TUSC3: variants seen among roughly 807,000 people sequenced by gnomAD.
TUSC3 encodes dolichyl-diphosphooligosaccharide--protein glycosyltransferase subunit TUSC3.
In TUSC3, 45 loss-of-function variants were observed where a neutral mutation model predicts 44.8. The observed-to-expected ratio is 1.00, with a 90% CI of 0.79 to 1.29. The LOEUF (loss-of-function observed/expected upper bound fraction) is 1.29. Among genes scored for constraint, TUSC3 ranks in the 50% most tolerant of loss-of-function variants. TUSC3 has a pLI of 0.00. For missense variants in TUSC3, 519 were observed against 437.9 expected (o/e 1.19, Z -1.65); for synonymous variants, 212 against 152.9 (o/e 1.39, Z -2.85).
intron 1 of TUSC3, among the ~76,000 whole-genome samples, chr8:15,578,034 C>G (rs1803183808): frequency 6.7e-6 from 1 of 150,268 alleles, no homozygotes; most frequent in Admixed American, 6.7e-5. Flanking sequence ...CTTCACATCC[C>G]TTGTAAGTTG....
the TUSC3 span, among the ~76,000 whole-genome samples, chr8:15,794,293 C>T: frequency 1.3e-5 from 2 of 152,106 alleles, no homozygotes; most frequent in Non-Finnish European, 2.9e-5. Flanking sequence ...CACAATAACA[C>T]AGCCACTCTT....
chr8:15,851,640 G>A, the TUSC3 span, among the ~76,000 whole-genome samples: 6 of 152,164 alleles, frequency 3.9e-5, no homozygotes, highest in East Asian at 5.8e-4. Context: ...AGATTCTAAC[G>A]ATGGTCCTCC....
chr8:15,577,212 GC>G (rs1412194453), intron 1 of TUSC3, among the ~76,000 whole-genome samples: 2 of 150,644 alleles, frequency 1.3e-5, no homozygotes, highest in Non-Finnish European at 3.0e-5. Flanking sequence ...CTGGATATTA[GC>G]CCTTTGTCAG....
At chr8:15,443,338 G>GTGTT (rs1800045966) in intron 1 of TUSC3, among the ~76,000 whole-genome samples, 2 of 28,888 alleles carry the variant, frequency 6.9e-5, no homozygotes, top group African/African-American at 3.1e-4. Context: ...CCACCTAATT[G>GTGTT]TGTGTGTGTG....
intron 1 of TUSC3, among the ~76,000 whole-genome samples, chr8:15,615,057 C>G (rs537119775): frequency 6.6e-6 from 1 of 151,938 alleles, no homozygotes; most frequent in South Asian, 2.1e-4. Context: ...ATAGAGATTT[C>G]TTTAAAAACC....
At chr8:15,522,443 G>C (rs556092627) in intron 2 of TUSC3, among the ~76,000 whole-genome samples, 1 of 152,096 alleles carries the variant, frequency 6.6e-6, no homozygotes, top group East Asian at 1.9e-4. Flanking sequence ...ATGTTGGCCA[G>C]GTTGGTCTTG....
At chr8:15,666,787 GGC>G (rs1807683432) in intron 5 of TUSC3, among the ~76,000 whole-genome samples, 1 of 151,182 alleles carries the variant, frequency 6.6e-6, no homozygotes, top group African/African-American at 2.4e-5. Context: ...CTGCTCATCA[GGC>G]AACTATGTCA....
upstream of TUSC3, among the ~76,000 whole-genome samples, chr8:15,536,681 CAAAAAAAAAAAAAAAAAAAAAAAAAA>C (rs570573410): frequency 8.1e-4 from 37 of 45,598 alleles, no homozygotes; most frequent in South Asian, 0.013. Context: ...GATTCCGTCT[CAAAAAAAAAAAAAAAAAAAAAAAAAA>C]AAAAAAAAAA....
chr8:15,663,933 G>C (rs1427889180), intron 5 of TUSC3, among the ~76,000 whole-genome samples: 1 of 151,750 alleles, frequency 6.6e-6, no homozygotes, highest in Non-Finnish European at 1.5e-5. Context: ...ATCAAATCTT[G>C]TCACTATTTT....
intron 1 of TUSC3, among the ~76,000 whole-genome samples, chr8:15,461,745 GAAAAAAAAA>G (rs1220062486): frequency 1.5e-5 from 2 of 130,968 alleles, no homozygotes; most frequent in African/African-American, 5.7e-5. Context: ...AATCATAAAG[GAAAAAAAAA>G]GAAAAAAAAG....
rs570951311 is a variant in TUSC3 at position 15,518,828 on chromosome 8, C to T, written n.189+35345C>T. Among the ~76,000 whole-genome samples the T allele has an allele frequency of 1.1e-3, 169 of 152,234 alleles. 1 individual carries two copies. The highest frequency in any genetic ancestry group is 4.0e-3 in the African/African-American group (165 of 41,566). ...TAGAATTAAACACAAATTGTATGCT[C>T]AAATTCCCATCTAAATATGAAAATA... On this transcript the variant is annotated intron_variant and non_coding_transcript_variant, in intron 2 of 5. Coordinates refer to the TUSC3 transcript ENST00000503191.
chr8:15,573,202 C>CTCTCTCTCTA (rs1435847916), intron 1 of TUSC3, among the ~76,000 whole-genome samples: 8 of 74,182 alleles, frequency 1.1e-4, no homozygotes, highest in African/African-American at 2.1e-4. Context: ...CTCTCTCTCT[C>CTCTCTCTCTA]TATATATATA....
the TUSC3 span, among the ~76,000 whole-genome samples, chr8:15,800,806 A>C: frequency 6.6e-6 from 1 of 152,116 alleles, no homozygotes; most frequent in Non-Finnish European, 1.5e-5. Context: ...AATATGCAAC[A>C]TGTTCTTAAC....
intron 6 of TUSC3, among the ~76,000 whole-genome samples, chr8:15,686,058 ATTTG>A (rs908957987): frequency 3.3e-5 from 5 of 152,044 alleles, no homozygotes; most frequent in African/African-American, 4.8e-5. Flanking sequence ...TTGCAAGTTT[ATTTG>A]TTTGTCACTA....
chr8:15,651,669 C>A (rs567269836), intron 3 of TUSC3, among the ~76,000 whole-genome samples: 39 of 152,290 alleles, frequency 2.6e-4, no homozygotes, highest in African/African-American at 8.7e-4. Flanking sequence ...CTGCCGGCAC[C>A]TTCCTCTTGG....
At chr8:15,470,707 GC>G (rs761162640) in intron 1 of TUSC3, among the ~76,000 whole-genome samples, 162 of 152,112 alleles carry the variant, frequency 1.1e-3, no homozygotes, top group Non-Finnish European at 2.1e-3. Context: ...ATCCCTTCCT[GC>G]CAAAGCCACT....
At chr8:15,732,670 A>C (rs1563195490) in intron 7 of TUSC3, among the ~76,000 whole-genome samples, 1 of 152,200 alleles carries the variant, frequency 6.6e-6, no homozygotes. Context: ...GAACCCGTTA[A>C]ATTGTATAAC....
chr8:15,527,884 T>C (rs1469658823), intron 2 of TUSC3, among the ~76,000 whole-genome samples: 2 of 152,244 alleles, frequency 1.3e-5, no homozygotes, highest in African/African-American at 2.4e-5. Flanking sequence ...TATTCACTTA[T>C]ATACACTTTT....
intron 1 of TUSC3, among the ~76,000 whole-genome samples, chr8:15,428,828 T>C (rs1563248576): frequency 6.6e-6 from 1 of 152,204 alleles, no homozygotes; most frequent in African/African-American, 2.4e-5. Flanking sequence ...TTTGTTTTTT[T>C]CTTGTAAATT....
Sources: allele counts gnomAD v4.1 joint callset (sites outside exome capture counted in the v4.1 genomes callset), GRCh38; gene constraint gnomAD v4.1.1; transcripts MANE v1.5; gene names NCBI Gene and HGNC (gene_info 2026-07-23, HGNC 2026-07-21).